Variants in FBXO25 observed in about 807,000 individuals in gnomAD.
The protein encoded by FBXO25 is F-box only protein 25.
In FBXO25, 45 loss-of-function variants were observed where a neutral mutation model predicts 51.9. The observed-to-expected ratio is 0.87, with a 90% confidence interval of 0.68 to 1.11. The LOEUF (loss-of-function observed/expected upper bound fraction) is 1.11. Ranked by LOEUF, FBXO25 falls within the 50% of genes most tolerant of loss-of-function variation. The pLI, the probability that FBXO25 is intolerant of heterozygous loss-of-function variation, is 0.00. For missense variants in FBXO25, 507 were observed against 428.5 expected (o/e 1.18, Z -1.62); for synonymous variants, 199 against 151.0 (o/e 1.32, Z -2.33).
Position 476,174 on chromosome 8 carries a change from C to G in FBXO25, c.*7370C>G, listed in dbSNP as rs967185732. 1.3e-5 allele frequency: 2 copies of G among 152,012 alleles called. No homozygotes were observed. The highest frequency in any genetic ancestry group is 2.9e-5 in the Non-Finnish European group (2 of 68,008). 9.4% of individuals were successfully genotyped at this position (152,012 alleles called of 1,614,324 possible). On this transcript the variant is annotated 3_prime_UTR_variant, in exon 10 of 10. Coordinates refer to ENST00000350302, the MANE Select transcript of FBXO25 (RefSeq NM_183420.2). The stretch of plus-strand genomic sequence containing the variant: ...ATGTAATAGACATTACATTTATTGA[C>G]TTGAGCATGTTGAAACATCTTTGCA...
chr8:449,368 C>A (rs1190369637), intron 5 of FBXO25, among the ~76,000 whole-genome samples: 1 of 152,234 alleles, frequency 6.6e-6, no homozygotes, highest in Non-Finnish European at 1.5e-5. Context: ...CCACAGGAGA[C>A]CTCTACTTCG....
Position 476,768 on chromosome 8 carries a change from C to A in FBXO25, c.*7964C>A, listed in dbSNP as rs865831538. The A allele has an allele frequency of 6.6e-6, 1 of 151,854 alleles. No individual in the cohort carries two copies. The highest frequency in any genetic ancestry group is 1.5e-5 in the Non-Finnish European group (1 of 67,966). The allele number at this position is 151,854 out of a possible 1,614,324, so 9.4% of individuals were successfully genotyped here. ...CAAACTCTTGGTTTCATTTATTTTT[C>A]TCTATTGCTTTTCTGTTCTCTATTT... On this transcript the variant is annotated 3_prime_UTR_variant, in exon 10 of 10. Coordinates refer to ENST00000350302, the MANE Select transcript of FBXO25 (RefSeq NM_183420.2).
In FBXO25 at chr8:470,326, A is replaced by ATATT. The variant is rs1203850969; in HGVS notation, c.*1524_*1527dup. On this transcript the variant is annotated 3_prime_UTR_variant, in exon 10 of 10. Coordinates refer to ENST00000350302, the MANE Select transcript of FBXO25 (RefSeq NM_183420.2). ...CAAACATATTTTAAGGCTTTTAAAT[A>ATATT]TATTTCTAGATTGTTCATGAAAAAA... is the stretch of plus-strand genomic sequence containing the variant. 1 of 152,160 alleles carries ATATT rather than the reference A, an allele frequency of 6.6e-6. No individual in the cohort carries two copies. Among genetic ancestry groups the ATATT allele is most frequent in the African/African-American group, 2.4e-5 (1 of 41,428 alleles). 9.4% of individuals were successfully genotyped at this position (152,160 alleles called of 1,614,324 possible). A position where few individuals can be genotyped will look rare whatever the true frequency, so the allele number is the denominator to read the frequency against.
At chr8:431,018 A>C (rs1387827846) in intron 2 of FBXO25, among the ~76,000 whole-genome samples, 1 of 152,192 alleles carries the variant, frequency 6.6e-6, no homozygotes, top group East Asian at 1.9e-4. Flanking sequence ...TATTCTTACC[A>C]TCTTTTTTCT....
At chr8:407,342 GC>G in intron 1 of FBXO25, 4 of 972,302 alleles carry the variant, frequency 4.1e-6, no homozygotes, top group Non-Finnish European at 4.9e-6. Context: ...GGACGGGATT[GC>G]CGCGTGCGCG....
chr8:417,682 A>G (rs1335450647), intron 2 of FBXO25, among the ~76,000 whole-genome samples: 1 of 152,144 alleles, frequency 6.6e-6, no homozygotes, highest in Non-Finnish European at 1.5e-5. Context: ...CTCCTAATGC[A>G]TTGCATGTTC....
Position 432,952 on chromosome 8 carries a change from A to C in FBXO25, c.288+17A>C. The C allele has an allele frequency of 6.5e-7, 1 of 1,547,202 alleles. No individual in the cohort carries two copies. Among genetic ancestry groups the C allele is most frequent in the African/African-American group, 1.4e-5 (1 of 71,716 alleles). ...ACAAAGGAAGTAAGTATTCTATTATAAATATGAGAGTATCTTGTATTGTTT... is the reference window on the plus strand; with the variant it reads ...ACAAAGGAAGTAAGTATTCTATTATCAATATGAGAGTATCTTGTATTGTTT... On this transcript the variant is annotated intron_variant, in intron 4 of 9. Transcript: ENST00000350302.
intron 2 of FBXO25, among the ~76,000 whole-genome samples, chr8:430,636 G>T (rs1221600794): frequency 6.6e-6 from 1 of 152,158 alleles, no homozygotes; most frequent in Non-Finnish European, 1.5e-5. Context: ...TCTGTTATCA[G>T]TGTGTGGAAA....
rs1012365239 is a variant in FBXO25 at position 475,210 on chromosome 8, C to T, written c.*6406C>T. ...ATTTGTTGAAAAGACTGTCCTTTCTCCCTTGAATGGTCTTGGCACCATCAA... is the reference window on the plus strand; with the variant it reads ...ATTTGTTGAAAAGACTGTCCTTTCTTCCTTGAATGGTCTTGGCACCATCAA... On this transcript the variant is annotated 3_prime_UTR_variant, in exon 10 of 10. Coordinates refer to ENST00000350302, the MANE Select transcript of FBXO25 (RefSeq NM_183420.2). 1.2e-5 allele frequency: 4 copies of T among 322,392 alleles called. No homozygotes were observed. Among genetic ancestry groups the T allele is most frequent in the Admixed American group, 9.7e-5 (2 of 20,704 alleles). The allele number at this position is 322,392 out of a possible 1,614,324, so 20.0% of individuals were successfully genotyped here. A position where few individuals can be genotyped will look rare whatever the true frequency, so the allele number is the denominator to read the frequency against.
chr8:475,256 G>C lies in FBXO25; in HGVS notation c.*6452G>C. 1 of 238,410 alleles carries C rather than the reference G, an allele frequency of 4.2e-6. No individual in the cohort carries two copies. The highest frequency in any genetic ancestry group is 8.2e-6 in the Non-Finnish European group (1 of 122,314). 14.8% of individuals were successfully genotyped at this position (238,410 alleles called of 1,614,324 possible). A position where few individuals can be genotyped will look rare whatever the true frequency, so the allele number is the denominator to read the frequency against. On this transcript the variant is annotated 3_prime_UTR_variant, in exon 10 of 10. Transcript: ENST00000350302. ...ATCAAAAATCATTTGACCCATATGT[G>C]CAAGGGTTTATTTGGGGATTTGCTA...
At chr8:423,022 A>G (rs1256134476) in intron 2 of FBXO25, among the ~76,000 whole-genome samples, 1 of 152,176 alleles carries the variant, frequency 6.6e-6, no homozygotes, top group Admixed American at 6.5e-5. Context: ...GTGAGGAACA[A>G]ATCTGTTTGT....
rs533596739 is a variant in FBXO25 at position 468,294 on chromosome 8, G to A, written c.988-421G>A. 3.0e-5 allele frequency: 30 copies of A among 1,015,072 alleles called. No homozygotes were observed. In the South Asian group the frequency reaches 6.4e-4, roughly 22 times the overall value. The allele number at this position is 1,015,072 out of a possible 1,614,324, so 62.9% of individuals were successfully genotyped here. A position where few individuals can be genotyped will look rare whatever the true frequency, so the allele number is the denominator to read the frequency against. ...CCAAGCTGATTCAGGGATGAATGGC[G>A]GGTGGAGGGAACCCTGTGTAACAAA... On this transcript the variant is annotated intron_variant, in intron 9 of 9. Coordinates refer to ENST00000350302, the MANE Select transcript of FBXO25 (RefSeq NM_183420.2).
At chr8:407,277 C>G in intron 1 of FBXO25, 6 of 878,522 alleles carry the variant, frequency 6.8e-6, no homozygotes, top group Non-Finnish European at 6.8e-6. Context: ...AGGTGGGGAC[C>G]GGGGGCCTCG....
At chr8:425,052 C>T (rs1157436086) in intron 2 of FBXO25, among the ~76,000 whole-genome samples, 3 of 152,170 alleles carry the variant, frequency 2.0e-5, no homozygotes, top group Non-Finnish European at 4.4e-5. Context: ...TGTTTTTCTT[C>T]ATTTTTATAA....
intron 8 of FBXO25, among the ~76,000 whole-genome samples, chr8:461,778 G>C (rs1320147880): frequency 7.9e-5 from 12 of 152,108 alleles, no homozygotes; most frequent in Non-Finnish European, 5.9e-5. Flanking sequence ...CTTGTGACTG[G>C]CTTCTTACCC....
Position 470,011 on chromosome 8 carries a change from G to GT in FBXO25, c.*1209dup, listed in dbSNP as rs1265891635. 6.6e-6 allele frequency: 1 copy of GT among 152,154 alleles called. No individual in the cohort carries two copies. Among genetic ancestry groups the GT allele is most frequent in the Non-Finnish European group, 1.5e-5 (1 of 68,036 alleles). The allele number at this position is 152,154 out of a possible 1,614,324, so 9.4% of individuals were successfully genotyped here. The stretch of plus-strand genomic sequence containing the variant: ...ATACCTGGGGCCTCTGCGAATATAT[G>GT]TTAGTTTTTCATAAGACCATAAATG... On this transcript the variant is annotated 3_prime_UTR_variant, in exon 10 of 10. Transcript: ENST00000350302.
intron 5 of FBXO25, among the ~76,000 whole-genome samples, chr8:446,572 A>G (rs533450944): frequency 4.2e-4 from 64 of 152,258 alleles, no homozygotes; most frequent in Middle Eastern, 6.8e-3. Context: ...TTGTCTCTAA[A>G]TTGATTCTAA....
chr8:447,600 G>A (rs1197056998), intron 5 of FBXO25, among the ~76,000 whole-genome samples: 1 of 152,142 alleles, frequency 6.6e-6, no homozygotes, highest in East Asian at 1.9e-4. Context: ...AACTGGAAGT[G>A]TTTTAGATTT....
chr8:442,468 G>T (rs3925990), intron 5 of FBXO25, among the ~76,000 whole-genome samples: 41,198 of 151,772 alleles, frequency 0.27, 6,386 homozygotes, highest in African/African-American at 0.43. Context: ...TTCCACTTTA[G>T]TTTTTTATTT....
Sources: gnomAD v4.1 joint callset for allele counts (sites outside exome capture counted in the v4.1 genomes callset) on GRCh38, gnomAD v4.1.1 for gene constraint, MANE v1.5 for transcripts, NCBI Gene and HGNC (gene_info 2026-07-23, HGNC 2026-07-21) for gene names.